Variants in NAV2 observed in about 807,000 individuals in gnomAD.
NAV2 encodes helicase, APC down-regulated 1.
Under a neutral mutation model 223.2 loss-of-function variants are expected in NAV2, and 54 were observed. The observed-to-expected ratio is 0.24, with a 90% CI of 0.19 to 0.30. The LOEUF is 0.30. NAV2 is among the 10% of genes least tolerant of loss of function. NAV2 has a pLI of 1.00. For synonymous variants in NAV2, 1,279 were observed against 1,239.3 expected (o/e 1.03, Z -0.67); for missense variants, 2,806 against 3,147.5 (o/e 0.89, Z 2.60).
chr11:19,901,401 G>A (rs937626138), intron 6 of NAV2, among the ~76,000 whole-genome samples: 5 of 152,176 alleles, frequency 3.3e-5, no homozygotes, highest in Non-Finnish European at 7.4e-5. Flanking sequence ...ACAAAAATTA[G>A]CTGGGTGTGG....
chr11:20,085,342 A>G lies in NAV2; in HGVS notation c.5498+2163A>G, dbSNP rs117844627. On this transcript the variant is annotated intron_variant, in intron 26 of 37. Coordinates refer to ENST00000349880, the MANE Select transcript of NAV2 (RefSeq NM_145117.5). ...TGTGGTTACGATAAAGTACAACACA[A>G]AGTTCCTACTCATGGACCCTGTATA... Among the ~76,000 whole-genome samples the G allele has an allele frequency of 1.4e-4, 22 of 152,314 alleles. No homozygotes were observed. The East Asian group carries it at 4.2e-3, about 29-fold the overall frequency.
intron 5 of NAV2, chr11:19,884,333 C>T (rs926009397): frequency 1.9e-6 from 3 of 1,614,012 alleles, no homozygotes; most frequent in Non-Finnish European, 2.5e-6. Flanking sequence ...AAATCATCCG[C>T]TTCACTCTGG....
chr11:19,806,253 T>C (rs970340364), intron 1 of NAV2, among the ~76,000 whole-genome samples: 3 of 152,234 alleles, frequency 2.0e-5, no homozygotes, highest in Non-Finnish European at 4.4e-5. Flanking sequence ...GAACATTTCA[T>C]TGGAAAATAT....
chr11:19,796,263 T>C (rs918988), intron 1 of NAV2, among the ~76,000 whole-genome samples: 71,291 of 151,866 alleles, frequency 0.47, 17,221 homozygotes, highest in East Asian at 0.71. Flanking sequence ...CTATAGTAGT[T>C]TGGCCTTGAA....
chr11:19,509,556 C>T (rs766627456), intron 1 of NAV2, among the ~76,000 whole-genome samples: 1 of 152,158 alleles, frequency 6.6e-6, no homozygotes, highest in Non-Finnish European at 1.5e-5. Context: ...ATTCCCGCAC[C>T]GATGGTTGGG....
intron 18 of NAV2, among the ~76,000 whole-genome samples, chr11:20,054,501 A>G (rs12800255): frequency 0.038 from 5,767 of 152,294 alleles, 165 homozygotes; most frequent in Non-Finnish European, 0.057. Context: ...GGGGATTGAC[A>G]GAAAAATAAA....
intron 1 of NAV2, among the ~76,000 whole-genome samples, chr11:19,742,145 C>T (rs527602988): frequency 6.6e-6 from 1 of 152,266 alleles, no homozygotes; most frequent in South Asian, 2.1e-4. Flanking sequence ...CTCCCCTTCA[C>T]CCCTCCTGAG....
chr11:19,591,868 G>A (rs768206683), intron 1 of NAV2, among the ~76,000 whole-genome samples: 4 of 152,208 alleles, frequency 2.6e-5, no homozygotes, highest in African/African-American at 7.2e-5. Flanking sequence ...TATACAGATG[G>A]CTGGCTGCTT....
intron 1 of NAV2, among the ~76,000 whole-genome samples, chr11:19,539,522 C>A (rs2044282154): frequency 6.6e-6 from 1 of 152,092 alleles, no homozygotes; most frequent in Admixed American, 6.5e-5. Flanking sequence ...ATTTTTCACT[C>A]CCTGTTAACA....
chr11:19,746,892 T>A (rs540394335), intron 1 of NAV2, among the ~76,000 whole-genome samples: 11 of 152,310 alleles, frequency 7.2e-5, no homozygotes, highest in East Asian at 5.8e-4. Context: ...ACTCTTTTTT[T>A]AATTTTATTA....
intron 1 of NAV2, among the ~76,000 whole-genome samples, chr11:19,751,678 C>A (rs1036985049): frequency 6.6e-6 from 1 of 152,216 alleles, no homozygotes; most frequent in African/African-American, 2.4e-5. Flanking sequence ...ATTCTCTACT[C>A]TCTTCCTTTA....
At chr11:19,417,154 C>T (rs1214665176) in intron 1 of NAV2, among the ~76,000 whole-genome samples, 1 of 152,098 alleles carries the variant, frequency 6.6e-6, no homozygotes, top group African/African-American at 2.4e-5. Flanking sequence ...TCAGAATGAA[C>T]AGGCAACCTA....
rs1484757506 is a variant in NAV2 at position 19,614,510 on chromosome 11, T to C, written c.76-217974T>C. On this transcript the variant is annotated intron_variant, in intron 1 of 37. Transcript: ENST00000360655. ...CCCATGTAGCCCCTGGCCCTGCACATATAGCATCCTCTGCTATCAATATCG... is the reference window on the plus strand; with the variant it reads ...CCCATGTAGCCCCTGGCCCTGCACACATAGCATCCTCTGCTATCAATATCG... Among the ~76,000 whole-genome samples the C allele has an allele frequency of 3.3e-5, 5 of 151,342 alleles. No homozygotes were observed. The South Asian group carries it at 8.4e-4, about 25-fold the overall frequency.
chr11:19,740,417 A>G (rs1455119313), intron 1 of NAV2, among the ~76,000 whole-genome samples: 2 of 152,184 alleles, frequency 1.3e-5, no homozygotes, highest in African/African-American at 4.8e-5. Context: ...CAGGGACACA[A>G]ACACTGCCGA....
At chr11:19,425,479 A>T (rs1443557040) in intron 1 of NAV2, among the ~76,000 whole-genome samples, 6 of 152,214 alleles carry the variant, frequency 3.9e-5, no homozygotes, top group Non-Finnish European at 8.8e-5. Context: ...GCACTAATTC[A>T]ACTGGCTTGT....
chr11:19,631,284 G>A (rs562666236), intron 1 of NAV2, among the ~76,000 whole-genome samples: 242 of 150,642 alleles, frequency 1.6e-3, no homozygotes, highest in Middle Eastern at 0.014. Flanking sequence ...AGTCCCCGGC[G>A]TGTGATGTTC....
At position 20,105,774 on chromosome 11, in the gene NAV2, G is replaced by A. The variant is rs1295330002; in HGVS notation, c.6841+47G>A. ...GGGGGGCGGGCTGGCATCCTCAGGT[G>A]CCCATCCTCTGGGCCCTGGCCAGGA... On this transcript the variant is annotated intron_variant, in intron 35 of 37. Transcript: ENST00000349880. 3.3e-6 allele frequency: 5 copies of A among 1,495,284 alleles called. No homozygotes were observed. In the South Asian group the frequency reaches 3.5e-5, roughly 11 times the overall value. 92.6% of individuals were successfully genotyped at this position (1,495,284 alleles called of 1,614,324 possible).
chr11:19,350,961 G>A (rs1441475706), exon 1 of NAV2: 13 of 1,551,620 alleles, frequency 8.4e-6, no homozygotes, highest in Middle Eastern at 3.3e-4. Context: ...AAATGGAATC[G>A]GTTTCTGAGT....
At chr11:20,049,349 T>C in intron 15 of NAV2, 154 bp downstream of exon 15, 1 of 647,288 alleles carries the variant, frequency 1.5e-6, no homozygotes, top group South Asian at 2.0e-5. Flanking sequence ...CACTTCAGGA[T>C]GGAATCAAGC....
Sources: allele counts gnomAD v4.1 joint callset (sites outside exome capture counted in the v4.1 genomes callset), GRCh38; gene constraint gnomAD v4.1.1; transcripts MANE v1.5; gene names NCBI Gene and HGNC (gene_info 2026-07-23, HGNC 2026-07-21).